The following GSE1 variants were observed in gnomAD, a reference collection of about 807,000 sequenced individuals.
GSE1 encodes the protein Gse1 coiled-coil protein, also known as genetic suppressor element 1.
In GSE1, 32 loss-of-function variants were observed where a neutral mutation model predicts 112.6. The ratio of observed to expected loss-of-function variants is 0.28; its 90% confidence interval spans 0.21 to 0.38. GSE1 has a LOEUF of 0.38. Among genes scored for constraint, GSE1 ranks in the 10% least tolerant of loss-of-function variants. The probability of loss-of-function intolerance (pLI) is 1.00; values close to 1 mark genes in which losing one functional copy is unlikely to be tolerated. For synonymous variants in GSE1, 1,115 were observed against 735.6 expected, an observed-to-expected ratio of 1.52 and a Z score of -8.35; for missense variants, 2,348 against 1,699.2, an observed-to-expected ratio of 1.38 and a Z score of -6.71.
At chr16:85,438,250 G>A (rs1482583215) in intron 2 of GSE1, among the ~76,000 whole-genome samples, 1 of 152,202 alleles carries the variant, frequency 6.6e-6, no homozygotes, top group Non-Finnish European at 1.5e-5. Context: ...TGATACTCCA[G>A]ATGCTGGAGG....
intron 1 of GSE1, among the ~76,000 whole-genome samples, chr16:85,621,756 C>T (rs922272548): frequency 2.0e-5 from 3 of 152,170 alleles, no homozygotes; most frequent in African/African-American, 4.8e-5. Context: ...ATCCGTGTCT[C>T]TTATCCACTG....
chr16:85,584,469 C>T (rs2046596502), intron 1 of GSE1, among the ~76,000 whole-genome samples: 1 of 152,234 alleles, frequency 6.6e-6, no homozygotes, highest in Non-Finnish European at 1.5e-5. Flanking sequence ...GGGTACTGAT[C>T]CATCAATAGT....
intron 2 of GSE1, among the ~76,000 whole-genome samples, chr16:85,436,983 C>G (rs150144236): frequency 6.6e-6 from 1 of 152,138 alleles, no homozygotes; most frequent in Non-Finnish European, 1.5e-5. Flanking sequence ...CCGTCGAGGT[C>G]GACGCGGCGG....
intron 2 of GSE1, among the ~76,000 whole-genome samples, chr16:85,637,012 G>C (rs1490112997): frequency 6.6e-6 from 1 of 152,234 alleles, no homozygotes; most frequent in Admixed American, 6.5e-5. Flanking sequence ...GGAGGGGTTT[G>C]CATTTCTTAT....
At chr16:85,433,058 A>T (rs2049158886) in intron 2 of GSE1, among the ~76,000 whole-genome samples, 1 of 151,684 alleles carries the variant, frequency 6.6e-6, no homozygotes, top group African/African-American at 2.4e-5. Flanking sequence ...CCCCCCAGAG[A>T]CTTCCCTGGG....
intron 15 of GSE1, 102 bp downstream of exon 15, chr16:85,671,200 G>T: frequency 1.5e-6 from 1 of 657,058 alleles, no homozygotes; most frequent in East Asian, 3.0e-5. Flanking sequence ...GTGCTCTTAA[G>T]AGATCAAAAT....
intron 1 of GSE1, among the ~76,000 whole-genome samples, chr16:85,305,439 A>C (rs1431401700): frequency 6.6e-6 from 1 of 150,376 alleles, no homozygotes; most frequent in African/African-American, 2.5e-5. Context: ...CATGAGCCAC[A>C]TGCCCAGCCA....
chr16:85,324,528 A>G (rs2046185670), intron 1 of GSE1, among the ~76,000 whole-genome samples: 1 of 151,250 alleles, frequency 6.6e-6, no homozygotes. Flanking sequence ...AAAAAAAAAG[A>G]AAAAGAAAAC....
In GSE1 at chr16:85,326,667, C is replaced by G. The variant is rs538226315; in HGVS notation, c.2284-30796C>G. Among the ~76,000 whole-genome samples the G allele has an allele frequency of 2.0e-5, 3 of 152,338 alleles. No homozygotes were observed. In the East Asian group the frequency reaches 5.8e-4, roughly 29 times the overall value. ...ATACAGAACTGTAAGTCAATTAAACCTCTTTTCTTTATCAATTCCTCAGTC... is the reference window on the plus strand; with the variant it reads ...ATACAGAACTGTAAGTCAATTAAACGTCTTTTCTTTATCAATTCCTCAGTC... On this transcript the variant is annotated intron_variant, in intron 1 of 2. Coordinates refer to the GSE1 transcript ENST00000637419.
At chr16:85,619,994 C>A (rs2048628913) in intron 1 of GSE1, among the ~76,000 whole-genome samples, 1 of 152,162 alleles carries the variant, frequency 6.6e-6, no homozygotes, top group African/African-American at 2.4e-5. Context: ...TTCGGAAGGC[C>A]CTGTTTAACC....
intron 2 of GSE1, among the ~76,000 whole-genome samples, chr16:85,503,864 T>C (rs542228130): frequency 2.0e-5 from 3 of 152,244 alleles, no homozygotes; most frequent in East Asian, 3.9e-4. Context: ...AAATAACATA[T>C]TATGCCAGGG....
chr16:85,535,947 G>C (rs1306352295), intron 2 of GSE1, among the ~76,000 whole-genome samples: 1 of 152,230 alleles, frequency 6.6e-6, no homozygotes, highest in Admixed American at 6.5e-5. Flanking sequence ...CATTTATTGA[G>C]CACCTGCCAT....
At chr16:85,653,180 TCCCTCCGCCCC>T (rs2151907573) in intron 3 of GSE1, among the ~76,000 whole-genome samples, 1 of 9,804 alleles carries the variant, frequency 1.0e-4, no homozygotes, top group East Asian at 4.9e-3. Context: ...GCCCTGAGGC[TCCCTCCGCCCC>T]CCTCCTCCCC....
At chr16:85,221,573 A>G (rs1366607248) in intron 1 of GSE1, among the ~76,000 whole-genome samples, 1 of 151,998 alleles carries the variant, frequency 6.6e-6, no homozygotes, top group Non-Finnish European at 1.5e-5. Context: ...TAAACCAGGC[A>G]CCACCCGTCC....
chr16:85,178,460 TA>T (rs1411517970), intron 1 of GSE1, among the ~76,000 whole-genome samples: 1 of 152,078 alleles, frequency 6.6e-6, no homozygotes, highest in African/African-American at 2.4e-5. Context: ...AATCTGAATT[TA>T]AAAATACCAA....
intron 1 of GSE1, among the ~76,000 whole-genome samples, chr16:85,229,047 A>G (rs1352462082): frequency 6.6e-6 from 1 of 152,214 alleles, no homozygotes; most frequent in Non-Finnish European, 1.5e-5. Flanking sequence ...GACACTCGCC[A>G]TCCCCACCAA....
At chr16:85,270,547 T>G (rs556333217) in intron 1 of GSE1, among the ~76,000 whole-genome samples, 1 of 149,094 alleles carries the variant, frequency 6.7e-6, no homozygotes, top group South Asian at 2.1e-4. Context: ...TGGAAACAAT[T>G]AAAGCAGCCC....
intron 2 of GSE1, among the ~76,000 whole-genome samples, chr16:85,364,292 C>A (rs536869288): frequency 2.0e-5 from 3 of 152,330 alleles, no homozygotes; most frequent in Admixed American, 1.3e-4. Context: ...TCTCCTGCCC[C>A]CCTCTCCTAC....
chr16:85,260,453 G>A (rs112275099), intron 1 of GSE1, among the ~76,000 whole-genome samples: 1,810 of 150,514 alleles, frequency 0.012, 42 homozygotes, highest in African/African-American at 0.042. Flanking sequence ...GTCCCAAGTC[G>A]CTGGGATTAC....
Sources: gnomAD v4.1 joint callset for allele counts (sites outside exome capture counted in the v4.1 genomes callset) on GRCh38, gnomAD v4.1.1 for gene constraint, MANE v1.5 for transcripts, NCBI Gene and HGNC (gene_info 2026-07-23, HGNC 2026-07-21) for gene names.